PDGFC: variants seen among roughly 807,000 people sequenced by gnomAD.
PDGFC encodes platelet derived growth factor C.
In PDGFC, 12 loss-of-function variants were observed where a neutral mutation model predicts 35.5. The observed-to-expected ratio is 0.34, with a 90% confidence interval of 0.22 to 0.55. The LOEUF (loss-of-function observed/expected upper bound fraction) is 0.55, where lower values mean the gene tolerates loss of function less well. PDGFC is among the 20% of genes least tolerant of loss of function. The pLI is 0.91. For synonymous variants in PDGFC, 159 were observed against 148.8 expected, an observed-to-expected ratio of 1.07 and a Z score of -0.50; for missense variants, 322 against 412.4, an observed-to-expected ratio of 0.78 and a Z score of 1.90.
At chr4:156,836,850 G>C (rs1471044066) in intron 2 of PDGFC, among the ~76,000 whole-genome samples, 1 of 151,922 alleles carries the variant, frequency 6.6e-6, no homozygotes, top group Non-Finnish European at 1.5e-5. Context: ...TCCTTAGAGG[G>C]GAAATAAAAT....
chr4:156,957,621 C>T (rs1022285375), intron 1 of PDGFC, among the ~76,000 whole-genome samples: 8 of 152,074 alleles, frequency 5.3e-5, no homozygotes, highest in Admixed American at 2.6e-4. Context: ...TGTTCAGCAA[C>T]CTTCATTCTG....
At chr4:156,908,285 T>C (rs1332606413) in intron 1 of PDGFC, among the ~76,000 whole-genome samples, 2 of 152,202 alleles carry the variant, frequency 1.3e-5, no homozygotes, top group Admixed American at 1.3e-4. Flanking sequence ...TTATGATGCA[T>C]TATCACATTA....
At chr4:156,952,767 T>C (rs954039589) in intron 1 of PDGFC, among the ~76,000 whole-genome samples, 2 of 151,892 alleles carry the variant, frequency 1.3e-5, no homozygotes, top group East Asian at 1.9e-4. Flanking sequence ...TACTAATCTG[T>C]ACAGGATTTA....
In PDGFC at chr4:156,761,855, A is replaced by G. The variant is rs1730384552; in HGVS notation, c.*1235T>C. The G allele has an allele frequency of 6.6e-6, 1 of 152,630 alleles. No individual in the cohort carries two copies. 9.5% of individuals were successfully genotyped at this position (152,630 alleles called of 1,614,324 possible). A position where few individuals can be genotyped will look rare whatever the true frequency, so the allele number is the denominator to read the frequency against. On this transcript the variant is annotated 3_prime_UTR_variant, in exon 6 of 6. Coordinates refer to ENST00000502773, the MANE Select transcript of PDGFC (RefSeq NM_016205.3). ...GAGTTTAAGATAATAAAACCACAAC[A>G]TCACAATAAATAGGATGTGTTCCTA...
At chr4:156,780,675 T>C (rs1234763421) in intron 3 of PDGFC, among the ~76,000 whole-genome samples, 2 of 152,148 alleles carry the variant, frequency 1.3e-5, no homozygotes, top group African/African-American at 2.4e-5. Flanking sequence ...TACTTTAAAA[T>C]GTCTTGACAG....
chr4:156,866,225 C>A (rs1023716661), intron 1 of PDGFC, among the ~76,000 whole-genome samples: 1 of 152,016 alleles, frequency 6.6e-6, no homozygotes. Context: ...TTTGTCCTTG[C>A]GATAGTTTGC....
At chr4:156,826,173 G>GTTTT (rs1732467004) in intron 2 of PDGFC, among the ~76,000 whole-genome samples, 1 of 76,000 alleles carries the variant, frequency 1.3e-5, no homozygotes, top group Non-Finnish European at 2.5e-5. Context: ...CTTTGAGTTG[G>GTTTT]ATTTTTTTTT....
chr4:156,944,432 TTGATCTACTCACA>T (rs2110917657), intron 1 of PDGFC, among the ~76,000 whole-genome samples: 1 of 152,270 alleles, frequency 6.6e-6, no homozygotes. Context: ...TTCTCTTCTA[TTGATCTACTCACA>T]TGCACTGACT....
chr4:156,782,828 T>C (rs1204011389), intron 3 of PDGFC, among the ~76,000 whole-genome samples: 4 of 152,050 alleles, frequency 2.6e-5, no homozygotes, highest in African/African-American at 9.7e-5. Flanking sequence ...GAAAACAGGG[T>C]TAGATAAAAA....
rs1207623303 is a variant in PDGFC at position 156,971,383 on chromosome 4, G to A, written c.-480C>T. On this transcript the variant is annotated 5_prime_UTR_variant, in exon 1 of 6. Transcript: ENST00000502773. Reference sequence around the variant, plus strand: ...CAATAACAAAGCTGCCAATAGATGCGGCTCTCCGGGCGCCCCTCTCCCCCG... The same window carrying A: ...CAATAACAAAGCTGCCAATAGATGCAGCTCTCCGGGCGCCCCTCTCCCCCG... 7 of 396,776 alleles carry A rather than the reference G, an allele frequency of 1.8e-5. No individual in the cohort carries two copies. Among genetic ancestry groups the A allele is most frequent in the East Asian group, 1.4e-4 (4 of 27,918 alleles). 24.6% of individuals were successfully genotyped at this position (396,776 alleles called of 1,614,324 possible).
chr4:156,901,150 T>C (rs968305887), intron 1 of PDGFC, among the ~76,000 whole-genome samples: 2 of 152,160 alleles, frequency 1.3e-5, no homozygotes, highest in East Asian at 1.9e-4. Flanking sequence ...AAAATACTGA[T>C]CTGAGACCCA....
chr4:156,960,102 G>A (rs941274803), intron 1 of PDGFC, among the ~76,000 whole-genome samples: 6 of 151,474 alleles, frequency 4.0e-5, no homozygotes, highest in South Asian at 2.1e-4. Flanking sequence ...TAGGTATCTC[G>A]ACTCAGCATC....
At chr4:156,775,343 G>T (rs1730801589) in intron 3 of PDGFC, among the ~76,000 whole-genome samples, 1 of 152,072 alleles carries the variant, frequency 6.6e-6, no homozygotes, top group African/African-American at 2.4e-5. Flanking sequence ...AATAGTCAAA[G>T]AATCAGTATT....
chr4:156,879,568 A>C (rs896256735), intron 1 of PDGFC, among the ~76,000 whole-genome samples: 3 of 152,224 alleles, frequency 2.0e-5, no homozygotes, highest in African/African-American at 7.2e-5. Context: ...ATAATAAAGA[A>C]TAAAGCTGAT....
chr4:156,906,342 A>G (rs1579091219), intron 1 of PDGFC, among the ~76,000 whole-genome samples: 1 of 152,016 alleles, frequency 6.6e-6, no homozygotes, highest in East Asian at 1.9e-4. Context: ...TTTCTATTCC[A>G]TTGTTTAAAA....
chr4:156,775,133 C>T (rs1730794359), intron 3 of PDGFC, among the ~76,000 whole-genome samples: 1 of 152,008 alleles, frequency 6.6e-6, no homozygotes, highest in Non-Finnish European at 1.5e-5. Context: ...CACAAAATTG[C>T]TTTGACAGAA....
At chr4:156,778,498 C>T (rs1310777165) in intron 3 of PDGFC, among the ~76,000 whole-genome samples, 1 of 152,152 alleles carries the variant, frequency 6.6e-6, no homozygotes, top group East Asian at 1.9e-4. Context: ...GACTTTTCCA[C>T]TGTTCTTTTC....
At chr4:156,827,712 T>C (rs539422273) in intron 2 of PDGFC, among the ~76,000 whole-genome samples, 1 of 152,274 alleles carries the variant, frequency 6.6e-6, no homozygotes, top group South Asian at 2.1e-4. Context: ...GCTTACGCAA[T>C]ACCCACATAC....
At chr4:156,925,753 A>AG (rs1403809264) in intron 1 of PDGFC, among the ~76,000 whole-genome samples, 2 of 151,466 alleles carry the variant, frequency 1.3e-5, no homozygotes, top group East Asian at 3.9e-4. Flanking sequence ...AAAAAAAAAA[A>AG]AAAGAGAGAG....
Sources: allele counts gnomAD v4.1 joint callset (sites outside exome capture counted in the v4.1 genomes callset), GRCh38; gene constraint gnomAD v4.1.1; transcripts MANE v1.5; gene names NCBI Gene and HGNC (gene_info 2026-07-23, HGNC 2026-07-21).